The following CDH18 variants were observed in gnomAD, a reference collection of about 807,000 sequenced individuals.
CDH18 encodes the protein cadherin-18.
CDH18 carries 31 observed loss-of-function variants against 67.9 expected under a neutral mutation model. That is an observed-to-expected ratio of 0.46 (90% CI 0.34 to 0.62). CDH18 has a LOEUF of 0.62. Among genes scored for constraint, CDH18 ranks in the 20% least tolerant of loss-of-function variants. The pLI, the probability that CDH18 is intolerant of heterozygous loss-of-function variation, is 0.01. For synonymous variants in CDH18, 362 were observed against 347.2 expected, an observed-to-expected ratio of 1.04 and a Z score of -0.48; for missense variants, 890 against 975.5, an observed-to-expected ratio of 0.91 and a Z score of 1.17.
intron 1 of CDH18, among the ~76,000 whole-genome samples, chr5:20,282,042 G>A (rs1394158084): frequency 6.6e-6 from 1 of 152,082 alleles, no homozygotes; most frequent in Admixed American, 6.5e-5. Flanking sequence ...AAGAATACTT[G>A]TGATTTTTGC....
chr5:19,721,200 T>C (rs560965675), intron 5 of CDH18, 147 bp downstream of exon 5: 2 of 731,510 alleles, frequency 2.7e-6, no homozygotes, highest in African/African-American at 1.7e-5. Context: ...ATTATTTCAT[T>C]ACATTGTTTT....
chr5:19,978,238 A>G (rs910777487), intron 2 of CDH18, among the ~76,000 whole-genome samples: 2 of 152,112 alleles, frequency 1.3e-5, no homozygotes, highest in Non-Finnish European at 2.9e-5. Context: ...TTCATTAGGG[A>G]GGATAAATTA....
chr5:20,288,425 T>G (rs927087647), intron 1 of CDH18, among the ~76,000 whole-genome samples: 4 of 147,392 alleles, frequency 2.7e-5, no homozygotes, highest in Admixed American at 6.9e-5. Context: ...ATTTAGTTTC[T>G]AGTGGCTTCA....
intron 1 of CDH18, among the ~76,000 whole-genome samples, chr5:20,381,747 G>A (rs990870185): frequency 1.3e-5 from 2 of 152,032 alleles, no homozygotes; most frequent in Non-Finnish European, 2.9e-5. Flanking sequence ...AACAATTGTG[G>A]GAGCTGTATA....
At chr5:20,173,000 A>AAAAG (rs1043554441) in intron 2 of CDH18, among the ~76,000 whole-genome samples, 2 of 151,478 alleles carry the variant, frequency 1.3e-5, no homozygotes, top group Non-Finnish European at 3.0e-5. Context: ...CAAAAAAAAA[A>AAAAG]AAAGAAAGAA....
intron 1 of CDH18, among the ~76,000 whole-genome samples, chr5:20,462,097 G>A (rs1751304471): frequency 6.6e-6 from 1 of 152,122 alleles, no homozygotes; most frequent in South Asian, 2.1e-4. Context: ...ATTTACAACA[G>A]CAAGCATATG....
chr5:19,789,588 T>C (rs1428519361), intron 3 of CDH18, among the ~76,000 whole-genome samples: 1 of 152,098 alleles, frequency 6.6e-6, no homozygotes, highest in African/African-American at 2.4e-5. Flanking sequence ...CCTTTGATGA[T>C]GACAAAAAAT....
chr5:20,291,737 A>C (rs1363018968), intron 1 of CDH18, among the ~76,000 whole-genome samples: 1 of 152,216 alleles, frequency 6.6e-6, no homozygotes, highest in Non-Finnish European at 1.5e-5. Flanking sequence ...GGAAAAGGAC[A>C]TAGTTTCTGG....
intron 2 of CDH18, among the ~76,000 whole-genome samples, chr5:19,979,034 T>C (rs1366121383): frequency 2.0e-5 from 3 of 152,136 alleles, no homozygotes; most frequent in Non-Finnish European, 4.4e-5. Context: ...GTTTGAAGTA[T>C]TGTTGTAACT....
chr5:20,243,006 T>C (rs1487066045), intron 2 of CDH18, among the ~76,000 whole-genome samples: 1 of 152,154 alleles, frequency 6.6e-6, no homozygotes, highest in African/African-American at 2.4e-5. Flanking sequence ...ACAATTCATG[T>C]TTAATTGTTG....
intron 5 of CDH18, among the ~76,000 whole-genome samples, chr5:19,618,043 C>A (rs1192976487): frequency 6.6e-6 from 1 of 152,096 alleles, no homozygotes; most frequent in East Asian, 1.9e-4. Flanking sequence ...GATAATACCA[C>A]AGAAGACTGC....
chr5:20,391,077 A>G (rs1405956377), intron 1 of CDH18, among the ~76,000 whole-genome samples: 3 of 152,102 alleles, frequency 2.0e-5, no homozygotes, highest in Non-Finnish European at 4.4e-5. Context: ...TGGCACATAT[A>G]TACATATGTA....
At chr5:19,999,171 C>G (rs1341696614) in intron 2 of CDH18, among the ~76,000 whole-genome samples, 3 of 151,934 alleles carry the variant, frequency 2.0e-5, no homozygotes, top group Non-Finnish European at 1.5e-5. Flanking sequence ...GATGCCAGAC[C>G]TGTTTCTCAT....
intron 2 of CDH18, among the ~76,000 whole-genome samples, chr5:20,190,519 T>G (rs1738452504): frequency 6.6e-6 from 1 of 152,138 alleles, no homozygotes; most frequent in Admixed American, 6.5e-5. Context: ...CATTCAAGTA[T>G]ACCTGGATGG....
intron 1 of CDH18, among the ~76,000 whole-genome samples, chr5:20,569,469 A>G (rs965462456): frequency 4.6e-5 from 7 of 152,128 alleles, no homozygotes; most frequent in Middle Eastern, 3.4e-3. Flanking sequence ...GAAAATACAA[A>G]TAATTAGCCA....
intron 1 of CDH18, among the ~76,000 whole-genome samples, chr5:20,557,012 C>T (rs919706466): frequency 2.0e-5 from 3 of 151,902 alleles, no homozygotes; most frequent in Admixed American, 6.6e-5. Flanking sequence ...TTCTTTGAAG[C>T]TTTAGAGAAT....
intron 2 of CDH18, among the ~76,000 whole-genome samples, chr5:19,867,840 G>A (rs1581712073): frequency 1.3e-5 from 2 of 152,152 alleles, no homozygotes; most frequent in South Asian, 4.1e-4. Flanking sequence ...CACATCTTGA[G>A]TTGTAGTTCC....
intron 1 of CDH18, among the ~76,000 whole-genome samples, chr5:20,506,239 T>A (rs976155275): frequency 3.3e-5 from 5 of 152,220 alleles, no homozygotes; most frequent in African/African-American, 9.6e-5. Context: ...CTCAGGCAAC[T>A]GTGTGTTGGA....
intron 1 of CDH18, among the ~76,000 whole-genome samples, chr5:20,377,460 G>C (rs1743555586): frequency 6.6e-6 from 1 of 152,156 alleles, no homozygotes; most frequent in Non-Finnish European, 1.5e-5. Flanking sequence ...TTATACACTA[G>C]TTAATTGTAG....
Sources: allele counts gnomAD v4.1 joint callset (sites outside exome capture counted in the v4.1 genomes callset), GRCh38; gene constraint gnomAD v4.1.1; transcripts MANE v1.5; gene names NCBI Gene and HGNC (gene_info 2026-07-23, HGNC 2026-07-21).